Variants in BAZ1A observed in about 807,000 individuals in gnomAD.
BAZ1A encodes bromodomain adjacent to zinc finger domain protein 1A.
In BAZ1A, 50 loss-of-function variants were observed where a neutral mutation model predicts 185.2. The ratio of observed to expected loss-of-function variants is 0.27; its 90% CI spans 0.22 to 0.34. BAZ1A has a LOEUF of 0.34. Ranked by LOEUF, BAZ1A falls within the 10% of genes least tolerant of loss-of-function variation. The pLI is 1.00. For missense variants in BAZ1A, 1,356 were observed against 1,839.9 expected (o/e 0.74, Z 4.81); for synonymous variants, 571 against 615.6 (o/e 0.93, Z 1.07).
intron 4 of BAZ1A, 79 bp downstream of exon 4, chr14:34,825,934 T>C (rs2042159662): frequency 7.6e-7 from 1 of 1,310,486 alleles, no homozygotes; most frequent in Non-Finnish European, 1.0e-6. Context: ...TGAAACTCTA[T>C]CTCAAAAAAA....
rs867399795 is a variant in BAZ1A, at chr14:34,765,158, G to A, written c.3412C>T (p.Arg1138Cys). 7 of 1,614,070 alleles carry A rather than the reference G, an allele frequency of 4.3e-6. No homozygotes were observed. In the East Asian group the frequency reaches 6.7e-5, roughly 15 times the overall value. ...ATAGATTTAGACCATATCACGCTAC[G>A]ATCCAAGGTGGATAGGTGAAGAAAA... Reference protein sequence around the residue: ...QVFLHLSTLDRSVIWSKSILN... With the variant: ...QVFLHLSTLDCSVIWSKSILN... Residue 1138 changes from arginine (R) to cysteine (C), a missense_variant, in exon 22 of 27, where the codon CGT (arginine) becomes TGT (cysteine). By Grantham distance (180) the Arg-to-Cys change is radical. Transcript: ENST00000360310.
rs1413012519 is a variant in BAZ1A at position 34,765,249 on chromosome 14, A to G, written c.3321T>C (p.Arg1107=). 1.2e-6 allele frequency: 2 copies of G among 1,613,618 alleles called. No individual in the cohort carries two copies. The highest frequency in any genetic ancestry group is 1.7e-6 in the Non-Finnish European group (2 of 1,179,840). ...AACGGTCCAGAACTGTTTTATAAGA[A>G]CGCCCACTGTCACTGGCATCTTAAA... is the stretch of plus-strand genomic sequence containing the variant. ...KAPLDASDSG[R]SYKTVLDRWR... is the part of the protein sequence containing the mutation. The change falls in exon 22 of 27, where the codon CGT becomes CGC. Residue 1107 remains arginine, a synonymous_variant. Transcript: ENST00000360310.
chr14:34,809,543 A>G (rs111277280), intron 5 of BAZ1A, among the ~76,000 whole-genome samples: 8 of 152,268 alleles, frequency 5.3e-5, no homozygotes, highest in Admixed American at 2.0e-4. Flanking sequence ...CTTCTTTATT[A>G]GAGGAATATT....
intron 3 of BAZ1A, among the ~76,000 whole-genome samples, chr14:34,857,010 C>CTT (rs957739210): frequency 5.0e-5 from 7 of 141,310 alleles, no homozygotes; most frequent in Admixed American, 7.1e-5. Flanking sequence ...CATCTTTTTT[C>CTT]TTTTTTTTTT....
intron 9 of BAZ1A, 49 bp downstream of exon 9, chr14:34,800,175 G>A: frequency 8.0e-7 from 1 of 1,252,778 alleles, no homozygotes. Flanking sequence ...GATATGTAAA[G>A]TAGTATTACT....
At position 34,786,130 on chromosome 14, in the gene BAZ1A, G is replaced by T. The variant is rs1416387676; in HGVS notation, c.1602C>A (p.His534Gln). The T allele has an allele frequency of 6.8e-6, 11 of 1,606,796 alleles. No homozygotes were observed. Among genetic ancestry groups the T allele is most frequent in the Non-Finnish European group, 9.3e-6 (11 of 1,178,272 alleles). Residue 534 changes from histidine (H) to glutamine (Q), a missense_variant, in exon 13 of 27, where the codon CAC becomes CAA. Physicochemically the swap from His to Gln is conservative, Grantham distance 24. Around this residue, in one of 7 missense-constraint regions of BAZ1A, gnomAD observed 184 missense variants for 355.1 expected, o/e 0.52. Coordinates refer to ENST00000360310, the MANE Select transcript of BAZ1A (RefSeq NM_013448.3). ...AAAAACAAAACCCACACATACCCTG[G>T]TGTAACTGTGGCCATGCAGCTGCCA... is the stretch of plus-strand genomic sequence containing the variant. ...ASLAAAWPQL[H>Q]QGCSLKSLDL...
intron 3 of BAZ1A, among the ~76,000 whole-genome samples, chr14:34,859,308 C>G (rs761270492): frequency 1.3e-5 from 2 of 151,832 alleles, no homozygotes; most frequent in Non-Finnish European, 2.9e-5. Context: ...GTGGCACATG[C>G]CTATAGTCCC....
chr14:34,758,147 G>A (rs1375122096), intron 25 of BAZ1A, among the ~76,000 whole-genome samples: 1 of 151,582 alleles, frequency 6.6e-6, no homozygotes, highest in Non-Finnish European at 1.5e-5. Context: ...GCTGGACCTG[G>A]TGGCATGTGC....
intron 5 of BAZ1A, among the ~76,000 whole-genome samples, chr14:34,808,920 T>G (rs1304114499): frequency 6.6e-6 from 1 of 152,190 alleles, no homozygotes; most frequent in Non-Finnish European, 1.5e-5. Flanking sequence ...TTTTAAGTAG[T>G]GGCCTTCCCA....
intron 2 of BAZ1A, among the ~76,000 whole-genome samples, chr14:34,869,174 T>C (rs2042913061): frequency 6.6e-6 from 1 of 151,888 alleles, no homozygotes; most frequent in African/African-American, 2.4e-5. Context: ...ATGACTGCAC[T>C]CTAGCCTGGG....
intron 21 of BAZ1A, among the ~76,000 whole-genome samples, chr14:34,769,115 A>G (rs1879044257): frequency 6.6e-6 from 1 of 152,184 alleles, no homozygotes; most frequent in Non-Finnish European, 1.5e-5. Context: ...AAATATTATC[A>G]GGTGAATGGA....
At chr14:34,869,503 C>T (rs1045840066) in intron 2 of BAZ1A, among the ~76,000 whole-genome samples, 1 of 150,840 alleles carries the variant, frequency 6.6e-6, no homozygotes, top group East Asian at 2.2e-4. Flanking sequence ...TAGGAAACAA[C>T]AGAAATTCTA....
chr14:34,828,315 A>AT (rs2138721484), intron 3 of BAZ1A, among the ~76,000 whole-genome samples: 1 of 150,884 alleles, frequency 6.6e-6, no homozygotes, highest in Non-Finnish European at 1.5e-5. Context: ...AAAAAAAAAA[A>AT]TACTCCTTAA....
At chr14:34,803,642 G>T (rs143779342) in intron 6 of BAZ1A, among the ~76,000 whole-genome samples, 1 of 152,140 alleles carries the variant, frequency 6.6e-6, no homozygotes, top group African/African-American at 2.4e-5. Flanking sequence ...CTACATAAAT[G>T]AATCAATCTA....
rs1000107715 is a variant in BAZ1A, at chr14:34,793,154, C to G, written c.1364-233G>C. On this transcript the variant is annotated intron_variant, in intron 11 of 26. Coordinates refer to ENST00000360310, the MANE Select transcript of BAZ1A (RefSeq NM_013448.3). Reference sequence around the variant, plus strand: ...CCTCATTCAAGTAAGTCAAAATAGCCTCAATAGATCAACATATTTCATTTA... The same window carrying G: ...CCTCATTCAAGTAAGTCAAAATAGCGTCAATAGATCAACATATTTCATTTA... Among the ~76,000 whole-genome samples the G allele has an allele frequency of 2.6e-5, 4 of 152,012 alleles. No individual in the cohort carries two copies. In the East Asian group the frequency reaches 7.7e-4, roughly 29 times the overall value.
At chr14:34,799,455 G>A (rs919844808) in intron 9 of BAZ1A, among the ~76,000 whole-genome samples, 9 of 152,034 alleles carry the variant, frequency 5.9e-5, no homozygotes, top group Admixed American at 1.3e-4. Context: ...ATCCTCTAAG[G>A]CTACTTGTGA....
chr14:34,816,080 CTTTTT>C (rs35830800), intron 4 of BAZ1A, among the ~76,000 whole-genome samples: 2 of 79,394 alleles, frequency 2.5e-5, no homozygotes, highest in Non-Finnish European at 4.2e-5. Flanking sequence ...TATTCCAGAC[CTTTTT>C]TTTTTTTTTT....
intron 5 of BAZ1A, among the ~76,000 whole-genome samples, chr14:34,810,326 T>C (rs1392779541): frequency 1.3e-5 from 2 of 152,290 alleles, no homozygotes; most frequent in Admixed American, 1.3e-4. Flanking sequence ...CTTTTACGTA[T>C]TAACTACTCA....
chr14:34,827,261 TGA>T (rs1371604832), intron 3 of BAZ1A, among the ~76,000 whole-genome samples: 6 of 152,220 alleles, frequency 3.9e-5, no homozygotes, highest in Admixed American at 6.5e-5. Context: ...GTTGTTGGGT[TGA>T]GTGTTCTGTT....
Sources: gnomAD v4.1 joint callset for allele counts (sites outside exome capture counted in the v4.1 genomes callset) on GRCh38, gnomAD v4.1.1 for gene constraint, gnomAD v4.1.1 regional missense constraint, MANE v1.5 for transcripts, NCBI Gene and HGNC (gene_info 2026-07-23, HGNC 2026-07-21) for gene names.